The following HERC2 variants were observed in gnomAD, a reference collection of about 807,000 sequenced individuals.
HERC2 encodes the protein E3 ubiquitin-protein ligase HERC2.
Under a neutral mutation model 537.7 loss-of-function variants are expected in HERC2, and 102 were observed. That is an observed-to-expected ratio of 0.19 (90% confidence interval 0.16 to 0.22). The LOEUF (loss-of-function observed/expected upper bound fraction) is 0.22. Ranked by LOEUF, HERC2 falls within the 10% of genes least tolerant of loss-of-function variation. The probability of loss-of-function intolerance (pLI) is 1.00; values close to 1 mark genes in which losing one functional copy is unlikely to be tolerated. For missense variants in HERC2, 4,236 were observed against 6,198.2 expected, an observed-to-expected ratio of 0.68 and a Z score of 10.63; for synonymous variants, 2,224 against 2,466.2, an observed-to-expected ratio of 0.90 and a Z score of 2.91.
At position 28,233,769 on chromosome 15, in the gene HERC2, A is replaced by G; in HGVS notation, c.4246T>C (p.Cys1416Arg). ...KDFLCQIERY[C>R]RQCHLTTPIM... ...GGTGTGGTCAAATGGCACTGCCTAC[A>G]GTACCTTTCTATTTGACACAAAAAG... Residue 1416 changes from cysteine (C) to arginine (R), a missense_variant, in exon 28 of 93, where the codon TGT becomes CGT. Transcript: ENST00000261609. The G allele has an allele frequency of 1.2e-6, 2 of 1,612,668 alleles. No individual in the cohort carries two copies. The highest frequency in any genetic ancestry group is 1.7e-6 in the Non-Finnish European group (2 of 1,179,558).
chr15:28,194,829 G>A (rs1897198723), intron 52 of HERC2, among the ~76,000 whole-genome samples: 2 of 152,110 alleles, frequency 1.3e-5, no homozygotes, highest in Admixed American at 1.3e-4. Flanking sequence ...ACTGAGGTGG[G>A]TGGATCACCT....
At chr15:28,159,523 T>C (rs1488081584) in intron 69 of HERC2, among the ~76,000 whole-genome samples, 1 of 152,264 alleles carries the variant, frequency 6.6e-6, no homozygotes, top group Non-Finnish European at 1.5e-5. Flanking sequence ...GGTGATCGAA[T>C]TGGCTACTGA....
intron 2 of HERC2, among the ~76,000 whole-genome samples, chr15:28,318,419 G>A (rs2077147382): frequency 6.6e-6 from 1 of 152,128 alleles, no homozygotes; most frequent in Non-Finnish European, 1.5e-5. Context: ...TTGAGGTCAG[G>A]AGTTCAAAAC....
intron 4 of HERC2, among the ~76,000 whole-genome samples, chr15:28,281,290 T>G (rs1439098021): frequency 6.6e-6 from 1 of 152,226 alleles, no homozygotes; most frequent in Non-Finnish European, 1.5e-5. Flanking sequence ...CAATTAAGCA[T>G]GTGTCTGCCT....
At chr15:28,131,994 G>C (rs1207794544) in intron 81 of HERC2, 106 bp downstream of exon 81, 2 of 947,726 alleles carry the variant, frequency 2.1e-6, no homozygotes, top group Admixed American at 3.0e-5. Context: ...GAGCACACAC[G>C]GGGGACAGTA....
intron 71 of HERC2, 25 bp from the exon 72 acceptor site, chr15:28,144,829 G>A: frequency 1.2e-6 from 2 of 1,613,776 alleles, no homozygotes; most frequent in Non-Finnish European, 1.7e-6. Context: ...CGCACCCCGG[G>A]GTTAGCTTCA....
chr15:28,304,133 T>TCCAG (rs890664271), intron 2 of HERC2, among the ~76,000 whole-genome samples: 73 of 131,336 alleles, frequency 5.6e-4, no homozygotes, highest in Non-Finnish European at 1.0e-3. Flanking sequence ...GCCATTGCTT[T>TCCAG]CCAGCCTGGG....
At chr15:28,143,013 T>C (rs1891379631) in intron 74 of HERC2, 61 bp from the exon 75 acceptor site, 1 of 1,540,132 alleles carries the variant, frequency 6.5e-7, no homozygotes, top group Non-Finnish European at 8.9e-7. Context: ...GGCTGACCAT[T>C]TGTTTCTACC....
intron 57 of HERC2, among the ~76,000 whole-genome samples, chr15:28,181,762 T>A (rs1460911433): frequency 1.3e-5 from 2 of 152,214 alleles, no homozygotes; most frequent in Non-Finnish European, 2.9e-5. Flanking sequence ...CAACTCAAAA[T>A]ACAAATTAAC....
intron 55 of HERC2, 159 bp downstream of exon 55, chr15:28,190,806 C>T: frequency 1.6e-6 from 1 of 620,020 alleles, no homozygotes; most frequent in Non-Finnish European, 2.9e-6. Context: ...TTCAGTTGTA[C>T]AAAATAAGTT....
chr15:28,147,452 A>G lies in HERC2; in HGVS notation c.10901-1108T>C, dbSNP rs960060794. On this transcript the variant is annotated intron_variant, in intron 70 of 92. Transcript: ENST00000261609. ...AAGACAGGCCTGGACAACAGGCTAT[A>G]TATTTTATTATATATTATATATTTT... Among the ~76,000 whole-genome samples the G allele has an allele frequency of 4.4e-4, 66 of 150,672 alleles. 1 individual carries two copies. Among genetic ancestry groups the G allele is most frequent in the African/African-American group, 1.5e-3 (63 of 41,248 alleles).
At chr15:28,261,006 C>A (rs984630739) in intron 15 of HERC2, 36 bp from the exon 16 acceptor site, 2 of 1,500,324 alleles carry the variant, frequency 1.3e-6, no homozygotes, top group African/African-American at 1.4e-5. Flanking sequence ...CAGCTTCAAG[C>A]CTATGACTTC....
intron 4 of HERC2, among the ~76,000 whole-genome samples, chr15:28,290,327 G>A (rs190615553): frequency 1.5e-4 from 22 of 151,534 alleles, no homozygotes; most frequent in African/African-American, 3.9e-4. Context: ...ATGTAGTCTC[G>A]CTTTGTCACC....
intron 2 of HERC2, among the ~76,000 whole-genome samples, chr15:28,301,478 TATA>T (rs1398715588): frequency 6.6e-6 from 1 of 151,202 alleles, no homozygotes; most frequent in African/African-American, 2.4e-5. Flanking sequence ...TTATAATAAT[TATA>T]ATAACTGTGA....
intron 2 of HERC2, among the ~76,000 whole-genome samples, chr15:28,300,052 TA>T (rs34917808): frequency 7.0e-4 from 88 of 126,238 alleles, no homozygotes; most frequent in East Asian, 1.4e-3. Context: ...GACTCGGTGT[TA>T]AAAAAAAAAA....
intron 3 of HERC2, among the ~76,000 whole-genome samples, chr15:28,296,291 T>C (rs1371207016): frequency 1.3e-5 from 2 of 152,046 alleles, no homozygotes; most frequent in Non-Finnish European, 2.9e-5. Flanking sequence ...CTGACCAAGA[T>C]GGTGAAACTC....
intron 11 of HERC2, 35 bp downstream of exon 11, chr15:28,269,213 G>A (rs896778700): frequency 6.3e-7 from 1 of 1,581,446 alleles, no homozygotes; most frequent in Non-Finnish European, 8.7e-7. Context: ...TGCCCCGCAA[G>A]GGAACACTGC....
rs772863489 is a variant in HERC2, at chr15:28,124,113, C to G, written c.13112G>C (p.Gly4371Ala). ...CPCIPMFDLE[G>A]SLDETGLGPS... ...CCCGAGTCCAGTTTCGTCGAGCGAG[C>G]CTTCCAGGTCGAACATGGGGATGCA... Residue 4371 changes from glycine (G) to alanine (A), a missense_variant, in exon 85 of 93, where the codon GGC becomes GCC. Physicochemically the swap from Gly to Ala is moderately conservative, Grantham distance 60 (BLOSUM62 0). This residue lies in a region of HERC2 where 189 missense variants were observed against 255.7 expected (regional missense o/e 0.74). Coordinates refer to ENST00000261609, the MANE Select transcript of HERC2 (RefSeq NM_004667.6). 13 of 1,606,884 alleles carry G rather than the reference C, an allele frequency of 8.1e-6. No individual in the cohort carries two copies. Among genetic ancestry groups the G allele is most frequent in the Admixed American group, 3.4e-5 (2 of 58,946 alleles).
intron 2 of HERC2, among the ~76,000 whole-genome samples, chr15:28,314,410 T>G (rs781381809): frequency 2.6e-4 from 39 of 152,242 alleles, no homozygotes; most frequent in Non-Finnish European, 4.8e-4. Context: ...GAAGCAACGG[T>G]ATGCAGTATA....
Sources: gnomAD v4.1 joint callset for allele counts (sites outside exome capture counted in the v4.1 genomes callset) on GRCh38, gnomAD v4.1.1 for gene constraint, gnomAD v4.1.1 regional missense constraint, MANE v1.5 for transcripts, NCBI Gene and HGNC (gene_info 2026-07-23, HGNC 2026-07-21) for gene names.